The following TRIQK variants were observed in gnomAD, a reference collection of about 807,000 sequenced individuals.
The protein encoded by TRIQK is triple QxxK/R motif containing.
A neutral mutation model predicts 10.8 loss-of-function variants in TRIQK; 10 were observed. That is an observed-to-expected ratio of 0.92 (90% CI 0.57 to 1.57). The LOEUF (loss-of-function observed/expected upper bound fraction) is 1.57, where lower values mean the gene tolerates loss of function less well. Among genes scored for constraint, TRIQK ranks in the 40% most tolerant of loss-of-function variants. The probability of loss-of-function intolerance (pLI) is 0.00; values close to 1 mark genes in which losing one functional copy is unlikely to be tolerated. For synonymous variants in TRIQK, 33 were observed against 33.7 expected, an observed-to-expected ratio of 0.98 and a Z score of 0.07; for missense variants, 107 against 97.7, an observed-to-expected ratio of 1.09 and a Z score of -0.40.
chr8:92,991,741 A>G (rs143708231), intron 1 of TRIQK, among the ~76,000 whole-genome samples: 3,185 of 152,292 alleles, frequency 0.021, 40 homozygotes, highest in Middle Eastern at 0.031. Flanking sequence ...ACATGATTGT[A>G]TATTTAGAAA....
intron 1 of TRIQK, among the ~76,000 whole-genome samples, chr8:93,000,842 A>G (rs898912009): frequency 2.1e-4 from 32 of 151,860 alleles, no homozygotes; most frequent in Admixed American, 5.2e-4. Flanking sequence ...GAATTAATTC[A>G]AAACATAGCA....
chr8:92,925,935 G>A (rs1159301724), intron 2 of TRIQK, among the ~76,000 whole-genome samples: 2 of 152,008 alleles, frequency 1.3e-5, no homozygotes, highest in Non-Finnish European at 2.9e-5. Context: ...GTTGAAAATT[G>A]GGGGCATGGT....
At chr8:92,907,362 C>T (rs1014604555) in intron 3 of TRIQK, among the ~76,000 whole-genome samples, 1 of 152,176 alleles carries the variant, frequency 6.6e-6, no homozygotes, top group African/African-American at 2.4e-5. Flanking sequence ...ATTCACTTAA[C>T]AGTGTGTGTA....
intron 2 of TRIQK, among the ~76,000 whole-genome samples, chr8:92,945,831 A>G (rs997076734): frequency 1.3e-5 from 2 of 152,194 alleles, no homozygotes; most frequent in Non-Finnish European, 2.9e-5. Flanking sequence ...GTACTAAAAC[A>G]TGTCCAGAAA....
intron 2 of TRIQK, among the ~76,000 whole-genome samples, chr8:92,947,791 T>C (rs1811632985): frequency 6.6e-6 from 1 of 152,008 alleles, no homozygotes; most frequent in Non-Finnish European, 1.5e-5. Context: ...GTTTACCAAA[T>C]AGAGCAGTCC....
chr8:93,001,144 A>G (rs1813206795), intron 1 of TRIQK, among the ~76,000 whole-genome samples: 2 of 151,978 alleles, frequency 1.3e-5, no homozygotes, highest in Admixed American at 1.3e-4. Flanking sequence ...CGTCTCTACT[A>G]AAAATACAAA....
chr8:92,908,293 T>C (rs909514905), intron 3 of TRIQK, among the ~76,000 whole-genome samples: 1 of 152,156 alleles, frequency 6.6e-6, no homozygotes, highest in African/African-American at 2.4e-5. Flanking sequence ...GCCACACTCA[T>C]TATCATCATG....
Position 92,884,135 on chromosome 8 carries a change from T to C in TRIQK, c.*2487A>G, listed in dbSNP as rs1220434550. 1.3e-5 allele frequency: 2 copies of C among 151,884 alleles called. No homozygotes were observed. Among genetic ancestry groups the C allele is most frequent in the East Asian group, 3.9e-4 (2 of 5,154 alleles). The allele number at this position is 151,884 out of a possible 1,614,324, so 9.4% of individuals were successfully genotyped here. A position where few individuals can be genotyped will look rare whatever the true frequency, so the allele number is the denominator to read the frequency against. On this transcript the variant is annotated 3_prime_UTR_variant, in exon 5 of 5. Coordinates refer to ENST00000521988, the MANE Select transcript of TRIQK (RefSeq NM_001171797.2). ...TAAATTACTCTGAGCAGTGAATTAC[T>C]GGAGGGAAGATACCCATGTCTAAAA...
chr8:93,008,309 T>A (rs1813294596), intron 1 of TRIQK, among the ~76,000 whole-genome samples: 1 of 152,138 alleles, frequency 6.6e-6, no homozygotes, highest in Admixed American at 6.5e-5. Context: ...CAAATTAAAA[T>A]TTTAAAAATT....
chr8:92,906,082 A>C (rs779369819), intron 3 of TRIQK, among the ~76,000 whole-genome samples: 2 of 152,218 alleles, frequency 1.3e-5, no homozygotes, highest in Non-Finnish European at 2.9e-5. Flanking sequence ...CTATCATTGA[A>C]GATGAACCCA....
chr8:92,885,760 A>G lies in TRIQK; in HGVS notation c.*862T>C, dbSNP rs1206655475. The G allele has an allele frequency of 3.3e-5, 5 of 151,758 alleles. No individual in the cohort carries two copies. In the South Asian group the frequency reaches 1.0e-3, roughly 31 times the overall value. The allele number at this position is 151,758 out of a possible 1,614,324, so 9.4% of individuals were successfully genotyped here. ...TTGTTCAGATTTAGGAGACAACCTA[A>G]GAAGATGATTCTGAGTAGGTAGGAT... On this transcript the variant is annotated 3_prime_UTR_variant, in exon 5 of 5. Transcript: ENST00000521988.
At chr8:93,010,824 T>A (rs942449429) in intron 1 of TRIQK, among the ~76,000 whole-genome samples, 1 of 152,114 alleles carries the variant, frequency 6.6e-6, no homozygotes, top group Non-Finnish European at 1.5e-5. Context: ...AAAATAGGTG[T>A]TTGGATTCCT....
At chr8:92,984,464 G>A (rs1268227679) in intron 1 of TRIQK, among the ~76,000 whole-genome samples, 7 of 152,046 alleles carry the variant, frequency 4.6e-5, no homozygotes, top group Non-Finnish European at 1.0e-4. Flanking sequence ...AAAAGTGTGA[G>A]TTCAGTTGGT....
intron 2 of TRIQK, among the ~76,000 whole-genome samples, chr8:92,944,859 C>T (rs919657261): frequency 8.6e-5 from 13 of 152,044 alleles, no homozygotes; most frequent in Non-Finnish European, 1.6e-4. Flanking sequence ...TTTGAATGTT[C>T]TCACCACAAA....
intron 1 of TRIQK, chr8:92,972,493 A>T (rs1812885801): frequency 6.6e-6 from 1 of 152,164 alleles, no homozygotes; most frequent in South Asian, 2.1e-4. Context: ...TCAATGTTGC[A>T]TTCATTTAAT....
chr8:92,947,697 T>C (rs942020168), intron 2 of TRIQK, among the ~76,000 whole-genome samples: 15 of 151,768 alleles, frequency 9.9e-5, no homozygotes, highest in Non-Finnish European at 1.6e-4. Flanking sequence ...TACCACACCA[T>C]TACTATTTCA....
chr8:93,014,035 T>G (rs900182298), intron 1 of TRIQK, among the ~76,000 whole-genome samples: 45 of 152,056 alleles, frequency 3.0e-4, no homozygotes, highest in Admixed American at 9.2e-4. Flanking sequence ...GTTTCACGAG[T>G]AGTCTATGCC....
chr8:92,886,717 C>G lies in TRIQK; in HGVS notation c.166G>C (p.Ala56Pro). ...IGIKEVGLVL[A>P]AILALLLAFY... ...GCCAGTAGTAGTGCCAATATAGCTGCAAGTACAAGGCCAACTTCCTGGGAA... is the reference window on the plus strand; with the variant it reads ...GCCAGTAGTAGTGCCAATATAGCTGGAAGTACAAGGCCAACTTCCTGGGAA... The change falls in exon 5 of 5, where the codon GCA becomes CCA. Residue 56 changes from alanine to proline, a missense_variant. Coordinates refer to ENST00000521988, the MANE Select transcript of TRIQK (RefSeq NM_001171797.2). The G allele has an allele frequency of 6.5e-7, 1 of 1,530,682 alleles. No individual in the cohort carries two copies. Among genetic ancestry groups the G allele is most frequent in the Non-Finnish European group, 8.8e-7 (1 of 1,142,378 alleles). 94.8% of individuals were successfully genotyped at this position (1,530,682 alleles called of 1,614,324 possible). A position where few individuals can be genotyped will look rare whatever the true frequency, so the allele number is the denominator to read the frequency against.
At chr8:92,889,843 T>G (rs1235022755) in intron 4 of TRIQK, among the ~76,000 whole-genome samples, 3 of 151,716 alleles carry the variant, frequency 2.0e-5, no homozygotes, top group Non-Finnish European at 4.4e-5. Flanking sequence ...ATTCTAGGCC[T>G]CCTTATCCTG....
Sources: gnomAD v4.1 joint callset for allele counts (sites outside exome capture counted in the v4.1 genomes callset) on GRCh38, gnomAD v4.1.1 for gene constraint, MANE v1.5 for transcripts, NCBI Gene and HGNC (gene_info 2026-07-23, HGNC 2026-07-21) for gene names.